BCL2: variants seen among roughly 807,000 people sequenced by gnomAD.
BCL2 encodes the protein apoptosis regulator Bcl-2.
Under a neutral mutation model 14.2 loss-of-function variants are expected in BCL2, and 1 was observed. That is an observed-to-expected ratio of 0.07 (90% CI 0.02 to 0.33). BCL2 has a LOEUF of 0.33. BCL2 is among the 10% of genes least tolerant of loss of function. The pLI is 0.99. For synonymous variants in BCL2, 151 were observed against 137.2 expected (o/e 1.10, Z -0.70); for missense variants, 247 against 305.9 (o/e 0.81, Z 1.44).
At chr18:63,302,785 A>G (rs1913005652) in intron 2 of BCL2, 1 of 985,284 alleles carries the variant, frequency 1.0e-6, no homozygotes, top group South Asian at 4.7e-5. Context: ...AGTTTCTTTT[A>G]AGAAAGTAGT....
At chr18:63,277,749 G>A (rs954280487) in intron 2 of BCL2, among the ~76,000 whole-genome samples, 10 of 152,036 alleles carry the variant, frequency 6.6e-5, no homozygotes, top group Non-Finnish European at 1.2e-4. Flanking sequence ...CACTGACCAG[G>A]TTTCTCATGC....
intron 2 of BCL2, among the ~76,000 whole-genome samples, chr18:63,174,684 G>T (rs1209473291): frequency 6.6e-6 from 1 of 152,042 alleles, no homozygotes; most frequent in African/African-American, 2.4e-5. Context: ...GCCGGGCGTA[G>T]TGGCAGGCAC....
intron 2 of BCL2, among the ~76,000 whole-genome samples, chr18:63,228,712 ATTTT>A (rs35558540): frequency 6.8e-6 from 1 of 147,708 alleles, no homozygotes; most frequent in Non-Finnish European, 1.5e-5. Flanking sequence ...GCCAAAAGCA[ATTTT>A]TTTTTTTTTT....
intron 2 of BCL2, among the ~76,000 whole-genome samples, chr18:63,176,165 A>G (rs573808065): frequency 6.6e-6 from 1 of 152,326 alleles, no homozygotes; most frequent in South Asian, 2.1e-4. Flanking sequence ...ATGGGGAGCA[A>G]TGGCAGGATG....
chr18:63,154,962 C>A, intron 2 of BCL2, among the ~76,000 whole-genome samples: 1 of 152,322 alleles, frequency 6.6e-6, no homozygotes, highest in Non-Finnish European at 1.5e-5. Flanking sequence ...ACCTCAGGAC[C>A]TTCTGGGACT....
At chr18:63,195,286 C>A (rs1359104086) in intron 2 of BCL2, among the ~76,000 whole-genome samples, 3 of 152,240 alleles carry the variant, frequency 2.0e-5, no homozygotes, top group Non-Finnish European at 2.9e-5. Context: ...TCATCTCTAT[C>A]TCCTCACTTC....
intron 2 of BCL2, among the ~76,000 whole-genome samples, chr18:63,181,720 A>G (rs1188015503): frequency 6.6e-6 from 1 of 152,206 alleles, no homozygotes; most frequent in Non-Finnish European, 1.5e-5. Flanking sequence ...TCCACATGAC[A>G]ACCTGCAAGT....
At chr18:63,190,186 T>C (rs911908539) in intron 2 of BCL2, among the ~76,000 whole-genome samples, 2 of 152,044 alleles carry the variant, frequency 1.3e-5, no homozygotes, top group African/African-American at 4.8e-5. Context: ...TTCCCATCAT[T>C]CTCCCTAAAA....
chr18:63,157,032 G>A (rs1185459035), intron 2 of BCL2, among the ~76,000 whole-genome samples: 1 of 152,152 alleles, frequency 6.6e-6, no homozygotes, highest in Non-Finnish European at 1.5e-5. Flanking sequence ...AGCAAGTCCT[G>A]GAACTAAACA....
intron 2 of BCL2, among the ~76,000 whole-genome samples, chr18:63,216,556 T>C (rs1205455686): frequency 6.6e-6 from 1 of 152,216 alleles, no homozygotes; most frequent in East Asian, 1.9e-4. Flanking sequence ...AGAACTGTAA[T>C]TGCTTTAGAG....
intron 2 of BCL2, among the ~76,000 whole-genome samples, chr18:63,143,592 G>A (rs753005571): frequency 1.3e-5 from 2 of 152,278 alleles, no homozygotes; most frequent in Non-Finnish European, 2.9e-5. Flanking sequence ...GAGCCTGGGG[G>A]ACCCTGCCTG....
intron 2 of BCL2, among the ~76,000 whole-genome samples, chr18:63,130,523 C>T (rs1365821585): frequency 6.6e-6 from 1 of 152,206 alleles, no homozygotes; most frequent in African/African-American, 2.4e-5. Flanking sequence ...TAATGCTTTA[C>T]CCAAATGCTT....
intron 2 of BCL2, among the ~76,000 whole-genome samples, chr18:63,152,145 T>C (rs1914666871): frequency 6.6e-6 from 1 of 152,218 alleles, no homozygotes; most frequent in East Asian, 1.9e-4. Flanking sequence ...TCTCACTGCT[T>C]TGTATGACTT....
intron 2 of BCL2, among the ~76,000 whole-genome samples, chr18:63,206,736 C>A (rs915399180): frequency 6.6e-6 from 1 of 151,088 alleles, no homozygotes; most frequent in African/African-American, 2.4e-5. Context: ...TGACACTGAT[C>A]GGACAGGATT....
At chr18:63,283,652 A>G (rs1912378877) in intron 2 of BCL2, among the ~76,000 whole-genome samples, 1 of 152,224 alleles carries the variant, frequency 6.6e-6, no homozygotes, top group Non-Finnish European at 1.5e-5. Context: ...AACCACACGC[A>G]GAAGAGTGCA....
chr18:63,182,547 G>C (rs886634477), intron 2 of BCL2, among the ~76,000 whole-genome samples: 1 of 152,184 alleles, frequency 6.6e-6, no homozygotes, highest in Admixed American at 6.5e-5. Flanking sequence ...TTGAGACCGG[G>C]GGATGTCCAC....
At position 63,125,074 on chromosome 18, in the gene BCL2, T is replaced by C. The variant is rs4987862; in HGVS notation, c.*3551A>G. Reference sequence around the variant, plus strand: ...AGCTAGACATGTGTTGGGATTGCCCTGATTATTTACATTTAATCTTGATTA... The same window carrying C: ...AGCTAGACATGTGTTGGGATTGCCCCGATTATTTACATTTAATCTTGATTA... On this transcript the variant is annotated 3_prime_UTR_variant, in exon 3 of 3. Coordinates refer to ENST00000333681, the MANE Select transcript of BCL2 (RefSeq NM_000633.3). 5.0e-5 allele frequency: 11 copies of C among 221,682 alleles called. No individual in the cohort carries two copies. The highest frequency in any genetic ancestry group is 2.5e-4 in the African/African-American group (11 of 44,730). 13.7% of individuals were successfully genotyped at this position (221,682 alleles called of 1,614,324 possible). A position where few individuals can be genotyped will look rare whatever the true frequency, so the allele number is the denominator to read the frequency against.
chr18:63,168,863 C>G (rs1028351184), intron 2 of BCL2, among the ~76,000 whole-genome samples: 3 of 152,202 alleles, frequency 2.0e-5, no homozygotes, highest in African/African-American at 7.2e-5. Context: ...ATTGCACTTT[C>G]CCTATTGGAA....
chr18:63,306,628 G>A (rs1429675639), intron 2 of BCL2, among the ~76,000 whole-genome samples: 2 of 152,070 alleles, frequency 1.3e-5, no homozygotes, highest in East Asian at 1.9e-4. Flanking sequence ...CATCCTTCAG[G>A]CTTCAGTCCC....
Sources: gnomAD v4.1 joint callset for allele counts (sites outside exome capture counted in the v4.1 genomes callset) on GRCh38, gnomAD v4.1.1 for gene constraint, MANE v1.5 for transcripts, NCBI Gene and HGNC (gene_info 2026-07-23, HGNC 2026-07-21) for gene names.